Variants in AP2A2 observed in about 807,000 individuals in gnomAD.
AP2A2 encodes the protein adaptor related protein complex 2 subunit alpha 2.
In AP2A2, 32 loss-of-function variants were observed where a neutral mutation model predicts 104.2. The ratio of observed to expected loss-of-function variants is 0.31; its 90% CI spans 0.23 to 0.41. The LOEUF is 0.41. Among genes scored for constraint, AP2A2 ranks in the 10% least tolerant of loss-of-function variants. The probability of loss-of-function intolerance (pLI) is 1.00; values close to 1 mark genes in which losing one functional copy is unlikely to be tolerated. For synonymous variants in AP2A2, 539 were observed against 533.3 expected, an observed-to-expected ratio of 1.01 and a Z score of -0.15; for missense variants, 912 against 1,261.0, an observed-to-expected ratio of 0.72 and a Z score of 4.19.
At chr11:942,535 AG>A (rs1428311846) in intron 1 of AP2A2, 3 of 151,932 alleles carry the variant, frequency 2.0e-5, no homozygotes, top group African/African-American at 7.2e-5. Context: ...AATTTATCTC[AG>A]TAGTTTAGTC....
Position 986,960 on chromosome 11 carries a change from G to T in AP2A2, c.1131+7G>T. 2 of 1,569,812 alleles carry T rather than the reference G, an allele frequency of 1.3e-6. No homozygotes were observed. The highest frequency in any genetic ancestry group is 2.4e-5 in the East Asian group (1 of 42,282). On this transcript the variant is annotated splice_region_variant and intron_variant, in intron 9 of 21. Transcript: ENST00000448903. ...GGTCATCAACGCCCTGAAGGCGAGTGCCCTGTCCTTGGGTTCTGCTCACTC... is the reference window on the plus strand; with the variant it reads ...GGTCATCAACGCCCTGAAGGCGAGTTCCCTGTCCTTGGGTTCTGCTCACTC...
At chr11:1,005,966 C>T (rs1017110445) in intron 16 of AP2A2, among the ~76,000 whole-genome samples, 2 of 152,216 alleles carry the variant, frequency 1.3e-5, no homozygotes, top group African/African-American at 2.4e-5. Context: ...ATAAAAACAG[C>T]GACACATCCT....
At chr11:1,000,385 C>T in intron 14 of AP2A2, 47 bp from the exon 15 acceptor site, 1 of 1,536,972 alleles carries the variant, frequency 6.5e-7, no homozygotes, top group South Asian at 1.2e-5. Context: ...TGGGGTTGGC[C>T]AGGCCAGGGA....
At chr11:1,010,225 G>A (rs748881482) in intron 21 of AP2A2, 4 of 500,852 alleles carry the variant, frequency 8.0e-6, no homozygotes, top group South Asian at 3.3e-5. Flanking sequence ...ACCTGTCTCC[G>A]TTTCACTTGG....
intron 14 of AP2A2, among the ~76,000 whole-genome samples, 152 bp downstream of exon 14, chr11:994,397 G>A (rs922694068): frequency 1.3e-5 from 2 of 152,172 alleles, no homozygotes; most frequent in Middle Eastern, 3.4e-3. Context: ...TGTCCTGGGG[G>A]CCACTGTCCC....
chr11:991,179 T>C (rs1243866210), intron 10 of AP2A2, among the ~76,000 whole-genome samples: 32 of 152,258 alleles, frequency 2.1e-4, no homozygotes, highest in Non-Finnish European at 1.5e-5. Context: ...TGTTTCCCTC[T>C]GTCCTTTCAG....
chr11:944,240 T>C (rs1218995855), intron 1 of AP2A2, among the ~76,000 whole-genome samples: 2 of 152,214 alleles, frequency 1.3e-5, no homozygotes, highest in African/African-American at 4.8e-5. Context: ...CTCGTTGTTT[T>C]CCAGCTGTGT....
intron 4 of AP2A2, among the ~76,000 whole-genome samples, chr11:974,226 A>C (rs1272856360): frequency 2.0e-5 from 3 of 149,190 alleles, no homozygotes; most frequent in Non-Finnish European, 4.4e-5. Flanking sequence ...GGTCCCATGA[A>C]GGGAGTGGGT....
chr11:934,317 G>A (rs557964975), intron 1 of AP2A2, among the ~76,000 whole-genome samples: 1 of 152,092 alleles, frequency 6.6e-6, no homozygotes, highest in East Asian at 1.9e-4. Flanking sequence ...TAGAGACAGG[G>A]TCTCACTATG....
intron 16 of AP2A2, among the ~76,000 whole-genome samples, chr11:1,004,276 T>C (rs6597949): frequency 0.62 from 93,660 of 151,924 alleles, 29,301 homozygotes; most frequent in Middle Eastern, 0.75. Flanking sequence ...AGTTCGAGAC[T>C]GGCCTGGCTA....
intron 3 of AP2A2, 110 bp downstream of exon 3, chr11:970,421 A>C: frequency 7.1e-7 from 1 of 1,410,100 alleles, no homozygotes; most frequent in South Asian, 1.4e-5. Flanking sequence ...AGCTGACGTG[A>C]GCCACGTGGG....
Position 968,559 on chromosome 11 carries a change from C to T in AP2A2, c.137-1610C>T, listed in dbSNP as rs1431706751. 3.9e-5 allele frequency among the ~76,000 whole-genome samples: 6 copies of T among 152,080 alleles called. No homozygotes were observed. Among genetic ancestry groups the T allele is most frequent in the African/African-American group, 1.4e-4 (6 of 41,410 alleles). The stretch of plus-strand genomic sequence containing the variant: ...GTGCTTTGAGTAACAGGGAAGTCTC[C>T]GGAGGGAGGAGGAGGTCAAGCAGTA... On this transcript the variant is annotated intron_variant, in intron 2 of 21. Coordinates refer to ENST00000448903, the MANE Select transcript of AP2A2 (RefSeq NM_012305.4). This position sits in a 1 kb window ranked among gnomAD's most constrained non-coding sequence, Gnocchi z 4.2.
rs376441149 is a variant in AP2A2 at position 964,173 on chromosome 11, G to A, written c.136+4668G>A. ...GAGCCAGTCCTCTTCCAGACTTGCC[G>A]CTGGGTGTCTTGACATGGGGGTGCT... On this transcript the variant is annotated intron_variant, in intron 2 of 21. Coordinates refer to ENST00000448903, the MANE Select transcript of AP2A2 (RefSeq NM_012305.4). 2.0e-5 allele frequency among the ~76,000 whole-genome samples: 3 copies of A among 152,218 alleles called. No homozygotes were observed. In the East Asian group the frequency reaches 5.8e-4, roughly 29 times the overall value.
intron 1 of AP2A2, among the ~76,000 whole-genome samples, chr11:927,171 A>G (rs1853147415): frequency 6.6e-6 from 1 of 151,622 alleles, no homozygotes; most frequent in Non-Finnish European, 1.5e-5. Context: ...TGATCCTACC[A>G]CCTCAGCCTC....
At chr11:926,194 A>G (rs1439835374) in intron 1 of AP2A2, 106 bp downstream of exon 1, 2 of 611,406 alleles carry the variant, frequency 3.3e-6, no homozygotes, top group Non-Finnish European at 4.1e-6. Context: ...GCAGGCTGGG[A>G]TGCGGGCGGG....
chr11:983,674 C>CG (rs1855348708), intron 6 of AP2A2, among the ~76,000 whole-genome samples: 1 of 152,218 alleles, frequency 6.6e-6, no homozygotes, highest in African/African-American at 2.4e-5. Flanking sequence ...GGAGCCACCG[C>CG]ACCTGGCCTA....
At chr11:1,004,579 C>G (rs1856141805) in intron 16 of AP2A2, among the ~76,000 whole-genome samples, 1 of 151,566 alleles carries the variant, frequency 6.6e-6, no homozygotes, top group African/African-American at 2.4e-5. Context: ...TGTTTGAGAC[C>G]AGCCTGCACA....
chr11:976,247 G>A (rs1462470076), intron 4 of AP2A2, among the ~76,000 whole-genome samples: 1 of 152,220 alleles, frequency 6.6e-6, no homozygotes, highest in Non-Finnish European at 1.5e-5. Context: ...TTGCAGGGGC[G>A]TTGGCACCCA....
At chr11:997,022 A>C (rs1377223535) in intron 14 of AP2A2, among the ~76,000 whole-genome samples, 1 of 152,026 alleles carries the variant, frequency 6.6e-6, no homozygotes, top group African/African-American at 2.4e-5. Flanking sequence ...AGCCCCAGTG[A>C]GAGGCCCCTC....
Sources: gnomAD v4.1 joint callset for allele counts (sites outside exome capture counted in the v4.1 genomes callset) on GRCh38, gnomAD v4.1.1 for gene constraint, Gnocchi (gnomAD v3.1) non-coding constraint, MANE v1.5 for transcripts, NCBI Gene and HGNC (gene_info 2026-07-23, HGNC 2026-07-21) for gene names.